The following NCOA1 variants were observed in gnomAD, a reference collection of about 807,000 sequenced individuals.
NCOA1 encodes Hin-2 protein.
A neutral mutation model predicts 150.9 loss-of-function variants in NCOA1; 35 were observed. The ratio of observed to expected loss-of-function variants is 0.23; its 90% CI spans 0.18 to 0.31. The LOEUF (loss-of-function observed/expected upper bound fraction) is 0.31. Ranked by LOEUF, NCOA1 falls within the 10% of genes least tolerant of loss-of-function variation. The pLI, the probability that NCOA1 is intolerant of heterozygous loss-of-function variation, is 1.00. For synonymous variants in NCOA1, 590 were observed against 630.0 expected, an observed-to-expected ratio of 0.94 and a Z score of 0.95; for missense variants, 1,491 against 1,749.3, an observed-to-expected ratio of 0.85 and a Z score of 2.63.
chr2:24,737,985 G>T (rs985984396), intron 17 of NCOA1, among the ~76,000 whole-genome samples: 9 of 152,052 alleles, frequency 5.9e-5, no homozygotes. Context: ...GAGTCTTTTT[G>T]ACTTTTAAAA....
Position 24,705,113 on chromosome 2 carries a change from C to G in NCOA1, c.977C>G (p.Pro326Arg). ...EVMTRGTASS[P>R]SYRFILNDGT... ...ATGACTCGTGGCACTGCCTCCAGCC[C>G]CTCCTATAGATTCATATTGAATGAT... The change falls in exon 12 of 23, where the codon CCC becomes CGC. Residue 326 changes from proline to arginine, a missense_variant. Coordinates refer to ENST00000348332, the MANE Select transcript of NCOA1 (RefSeq NM_003743.5). 1 of 1,613,932 alleles carries G rather than the reference C, an allele frequency of 6.2e-7. No homozygotes were observed. The highest frequency in any genetic ancestry group is 8.5e-7 in the Non-Finnish European group (1 of 1,179,876).
chr2:24,651,939 T>C (rs1670728820), intron 4 of NCOA1, among the ~76,000 whole-genome samples: 1 of 152,078 alleles, frequency 6.6e-6, no homozygotes, highest in African/African-American at 2.4e-5. Flanking sequence ...TGGTGGGAAT[T>C]TTAAATGGTG....
At chr2:24,684,383 G>T (rs1300489408) in intron 8 of NCOA1, among the ~76,000 whole-genome samples, 1 of 152,212 alleles carries the variant, frequency 6.6e-6, no homozygotes, top group Non-Finnish European at 1.5e-5. Context: ...TCTGACTCCT[G>T]AAGAACGGGC....
chr2:24,752,184 A>G, intron 20 of NCOA1, 28 bp downstream of exon 20: 1 of 1,605,110 alleles, frequency 6.2e-7, no homozygotes, highest in Non-Finnish European at 8.5e-7. Flanking sequence ...ATATATGAGC[A>G]TCCTTGATAC....
chr2:24,702,572 G>A (rs1392897530), intron 11 of NCOA1, among the ~76,000 whole-genome samples: 1 of 152,060 alleles, frequency 6.6e-6, no homozygotes, highest in Non-Finnish European at 1.5e-5. Context: ...TTGTAGCTCT[G>A]TTGAGGCCTA....
intron 19 of NCOA1, among the ~76,000 whole-genome samples, chr2:24,747,033 G>T (rs1663958841): frequency 6.6e-6 from 1 of 151,990 alleles, no homozygotes; most frequent in Non-Finnish European, 1.5e-5. Context: ...TGAACCTAAA[G>T]CTTCTCTAAA....
chr2:24,614,477 G>T (rs531712991), intron 3 of NCOA1, among the ~76,000 whole-genome samples: 16 of 151,866 alleles, frequency 1.1e-4, no homozygotes, highest in African/African-American at 3.9e-4. Flanking sequence ...TGATCTGCCT[G>T]CCTCGGCCTT....
At chr2:24,581,618 C>T (rs777560139) in intron 2 of NCOA1, among the ~76,000 whole-genome samples, 34 of 152,128 alleles carry the variant, frequency 2.2e-4, no homozygotes, top group Middle Eastern at 3.4e-3. Flanking sequence ...TGGGTTTTTT[C>T]GGGCTGCCAG....
intron 1 of NCOA1, among the ~76,000 whole-genome samples, chr2:24,506,255 C>T (rs905260895): frequency 4.0e-5 from 6 of 151,832 alleles, no homozygotes; most frequent in Admixed American, 3.9e-4. Flanking sequence ...AGCTGTGTTT[C>T]CTTTGACCAG....
chr2:24,576,183 T>TTTTG (rs1666975119), intron 2 of NCOA1, among the ~76,000 whole-genome samples: 1 of 118,718 alleles, frequency 8.4e-6, no homozygotes. Flanking sequence ...TTTTTTTTTT[T>TTTTG]TTTTTTTTGT....
Position 24,698,771 on chromosome 2 carries a change from A to G in NCOA1, c.949+973A>G, listed in dbSNP as rs186074940. On this transcript the variant is annotated intron_variant, in intron 11 of 22. Coordinates refer to ENST00000348332, the MANE Select transcript of NCOA1 (RefSeq NM_003743.5). ...TTATTTTGTCATTCTTAATTTTAAC[A>G]TTTTTCCCATAACATTAGATTTCCT... Among the ~76,000 whole-genome samples, 6 of 152,170 alleles carry G rather than the reference A, an allele frequency of 3.9e-5. No homozygotes were observed. The East Asian group carries it at 9.6e-4, about 24-fold the overall frequency.
chr2:24,673,546 C>A, intron 7 of NCOA1, 83 bp downstream of exon 7: 1 of 766,744 alleles, frequency 1.3e-6, no homozygotes, highest in South Asian at 1.9e-5. Flanking sequence ...TGCCTTATAT[C>A]CAGTTAATAA....
intron 1 of NCOA1, among the ~76,000 whole-genome samples, chr2:24,522,091 T>C (rs988975449): frequency 6.6e-6 from 1 of 152,200 alleles, no homozygotes; most frequent in African/African-American, 2.4e-5. Flanking sequence ...GAGGGCAGAA[T>C]AGAATAGTAC....
intron 1 of NCOA1, among the ~76,000 whole-genome samples, chr2:24,540,427 G>C (rs565190077): frequency 6.6e-6 from 1 of 151,388 alleles, no homozygotes; most frequent in Admixed American, 6.6e-5. Flanking sequence ...GGATGGATTA[G>C]AACTGTGCAT....
At chr2:24,503,888 C>T (rs750184114) in intron 1 of NCOA1, among the ~76,000 whole-genome samples, 3 of 152,064 alleles carry the variant, frequency 2.0e-5, no homozygotes, top group African/African-American at 4.8e-5. Context: ...ATGTGTACCA[C>T]CACACACAGC....
At chr2:24,527,941 A>G (rs1664720024) in intron 1 of NCOA1, among the ~76,000 whole-genome samples, 1 of 152,188 alleles carries the variant, frequency 6.6e-6, no homozygotes, top group Admixed American at 6.5e-5. Flanking sequence ...CTTTTCATAT[A>G]CCTGTTGCCC....
chr2:24,556,139 G>A (rs1666060403), intron 1 of NCOA1: 1 of 152,184 alleles, frequency 6.6e-6, no homozygotes. Context: ...TATTTATTCT[G>A]ATACTCTCTC....
At chr2:24,516,414 G>C (rs762898599) in intron 1 of NCOA1, among the ~76,000 whole-genome samples, 9 of 151,156 alleles carry the variant, frequency 6.0e-5, no homozygotes, top group African/African-American at 2.2e-4. Flanking sequence ...GGATGGTCTC[G>C]ATCTCCTGAT....
chr2:24,668,422 G>A (rs1410741980), intron 6 of NCOA1, among the ~76,000 whole-genome samples: 2 of 151,762 alleles, frequency 1.3e-5, no homozygotes, highest in Admixed American at 6.6e-5. Context: ...AAACAAGAGA[G>A]AAGAAAAAAC....
Sources: allele counts gnomAD v4.1 joint callset (sites outside exome capture counted in the v4.1 genomes callset), GRCh38; gene constraint gnomAD v4.1.1; transcripts MANE v1.5; gene names NCBI Gene and HGNC (gene_info 2026-07-23, HGNC 2026-07-21).